RGS5: variants seen among roughly 807,000 people sequenced by gnomAD.
RGS5 encodes the protein regulator of G-protein signalling 5.
In RGS5, 20 loss-of-function variants were observed where a neutral mutation model predicts 18.9. That is an observed-to-expected ratio of 1.06 (90% CI 0.74 to 1.54). RGS5 has a LOEUF of 1.54. RGS5 is among the 40% of genes most tolerant of loss of function. RGS5 has a pLI of 0.00. For missense variants in RGS5, 201 were observed against 211.8 expected (o/e 0.95, Z 0.32); for synonymous variants, 57 against 76.2 (o/e 0.75, Z 1.31).
chr1:163,147,918 C>CTTTTTTTT (rs534448527), intron 4 of RGS5, among the ~76,000 whole-genome samples: 21 of 78,088 alleles, frequency 2.7e-4, no homozygotes, highest in East Asian at 3.9e-4. Flanking sequence ...TTTTCTTTTT[C>CTTTTTTTT]TTTTTTTTTT....
At chr1:163,317,309 A>G (rs1162673626) in intron 1 of RGS5, among the ~76,000 whole-genome samples, 2 of 152,190 alleles carry the variant, frequency 1.3e-5, no homozygotes, top group Non-Finnish European at 2.9e-5. Flanking sequence ...TAAGCTGTGG[A>G]TACATGACAG....
At chr1:163,259,439 C>T (rs1648371595) in intron 2 of RGS5, among the ~76,000 whole-genome samples, 1 of 152,044 alleles carries the variant, frequency 6.6e-6, no homozygotes. Context: ...GTTGGGATTA[C>T]AGGCGTGAGC....
At chr1:163,304,515 G>A (rs1210635262) in intron 2 of RGS5, 2 of 152,222 alleles carry the variant, frequency 1.3e-5, no homozygotes, top group African/African-American at 4.8e-5. Flanking sequence ...TTTCTGTGAA[G>A]ATTACTCATT....
In RGS5 at chr1:163,147,216, T is replaced by C. The variant is rs1462260768; in HGVS notation, c.*126A>G. ...GGCAAAAAGAGTAAGCAACATCCCC[T>C]GGGATTTTTCCCATGTGGGTATCAC... On this transcript the variant is annotated 3_prime_UTR_variant, in exon 5 of 5. Transcript: ENST00000313961. The C allele has an allele frequency of 1.0e-6, 1 of 996,612 alleles. No individual in the cohort carries two copies. Among genetic ancestry groups the C allele is most frequent in the Non-Finnish European group, 1.4e-6 (1 of 712,544 alleles). 61.7% of individuals were successfully genotyped at this position (996,612 alleles called of 1,614,324 possible).
upstream of RGS5, chr1:163,202,926 T>C: frequency 8.1e-7 from 1 of 1,240,890 alleles, no homozygotes; most frequent in Non-Finnish European, 1.2e-6. Context: ...TGGGATGCCT[T>C]TCCTCCTGAG....
upstream of RGS5, among the ~76,000 whole-genome samples, chr1:163,206,276 T>A (rs1659952894): frequency 6.6e-6 from 1 of 152,062 alleles, no homozygotes; most frequent in South Asian, 2.1e-4. Flanking sequence ...AGAAATCAAT[T>A]TCCATTGCTT....
intron 1 of RGS5, among the ~76,000 whole-genome samples, chr1:163,214,011 T>C (rs780972575): frequency 5.9e-5 from 9 of 152,150 alleles, no homozygotes; most frequent in Non-Finnish European, 1.3e-4. Flanking sequence ...CCTCATCAGA[T>C]AATTAATCGA....
rs554545545 is a variant in RGS5 at position 163,288,609 on chromosome 1, G to A, written c.-281+17624C>T. ...CATTTCTCAATAAGTATGTGTTTGT[G>A]TATGTTTTACAGGCTTTTAGCAGGG... On this transcript the variant is annotated intron_variant, in intron 2 of 5. Transcript: ENST00000618415. 2.6e-5 allele frequency among the ~76,000 whole-genome samples: 4 copies of A among 152,126 alleles called. No individual in the cohort carries two copies. The South Asian group carries it at 6.2e-4, about 24-fold the overall frequency.
intron 3 of RGS5, among the ~76,000 whole-genome samples, chr1:163,156,538 A>G (rs1419459429): frequency 2.0e-5 from 3 of 152,136 alleles, no homozygotes; most frequent in Non-Finnish European, 4.4e-5. Flanking sequence ...GTTTGCTTCT[A>G]TATCTTTTCC....
At chr1:163,316,272 A>G (rs765008358) in intron 1 of RGS5, among the ~76,000 whole-genome samples, 71 of 152,308 alleles carry the variant, frequency 4.7e-4, no homozygotes, top group Non-Finnish European at 7.8e-4. Flanking sequence ...TTCCTCTCAT[A>G]TGAAACATTA....
At chr1:163,183,369 T>C (rs1364887318) in intron 1 of RGS5, among the ~76,000 whole-genome samples, 1 of 152,246 alleles carries the variant, frequency 6.6e-6, no homozygotes, top group African/African-American at 2.4e-5. Context: ...CCACCATTTG[T>C]CAGGCACTTT....
In RGS5 at chr1:163,176,660, C is replaced by A. The variant is rs146496487; in HGVS notation, c.45-8292G>T. Among the ~76,000 whole-genome samples the A allele has an allele frequency of 7.4e-3, 1,119 of 151,836 alleles. 14 individuals carry two copies. The highest frequency in any genetic ancestry group is 0.026 in the African/African-American group (1,072 of 41,410). On this transcript the variant is annotated intron_variant, in intron 1 of 4. Transcript: ENST00000313961. ...AAAAGAAAAAAAGAAAAAGAAAACC[C>A]TGTGCAGCCTCTCCTTTTGTTCACT...
chr1:163,297,182 G>A (rs1649441915), intron 2 of RGS5, among the ~76,000 whole-genome samples: 1 of 152,128 alleles, frequency 6.6e-6, no homozygotes, highest in South Asian at 2.1e-4. Context: ...GAAAGCCACA[G>A]GCAAATCAGC....
At chr1:163,215,893 C>G (rs775498498) in intron 1 of RGS5, among the ~76,000 whole-genome samples, 2 of 151,434 alleles carry the variant, frequency 1.3e-5, no homozygotes, top group African/African-American at 4.9e-5. Context: ...AGTGAAACAC[C>G]GTGTCTATTC....
chr1:163,223,153 T>C (rs1369743400), intron 2 of RGS5, among the ~76,000 whole-genome samples: 1 of 152,090 alleles, frequency 6.6e-6, no homozygotes, highest in Non-Finnish European at 1.5e-5. Flanking sequence ...CCTCTATTGA[T>C]TGCTTCAAGA....
At chr1:163,181,936 T>C (rs965005060) in intron 1 of RGS5, among the ~76,000 whole-genome samples, 7 of 152,148 alleles carry the variant, frequency 4.6e-5, no homozygotes, top group Admixed American at 2.6e-4. Context: ...TTCATTTTTC[T>C]ATGTAAAAAT....
intron 2 of RGS5, among the ~76,000 whole-genome samples, chr1:163,253,206 G>A (rs1648160637): frequency 6.6e-6 from 1 of 152,136 alleles, no homozygotes; most frequent in Non-Finnish European, 1.5e-5. Context: ...GGTTTCCTGT[G>A]TCCGAGTACT....
intron 1 of RGS5, among the ~76,000 whole-genome samples, chr1:163,306,551 T>C (rs546511703): frequency 3.9e-5 from 6 of 152,324 alleles, no homozygotes; most frequent in African/African-American, 7.2e-5. Flanking sequence ...CTGTGAGCCA[T>C]GTTTTATGGG....
At chr1:163,227,260 G>A (rs1407862592) in intron 2 of RGS5, among the ~76,000 whole-genome samples, 1 of 152,170 alleles carries the variant, frequency 6.6e-6, no homozygotes, top group Non-Finnish European at 1.5e-5. Context: ...AAATACACAA[G>A]AGTGAGTAAT....
Sources: allele counts gnomAD v4.1 joint callset (sites outside exome capture counted in the v4.1 genomes callset), GRCh38; gene constraint gnomAD v4.1.1; transcripts MANE v1.5; gene names NCBI Gene and HGNC (gene_info 2026-07-23, HGNC 2026-07-21).